The following ANAPC2 variants were observed in gnomAD, a reference collection of about 807,000 sequenced individuals.
ANAPC2 encodes anaphase-promoting complex subunit 2.
In ANAPC2, 29 loss-of-function variants were observed where a neutral mutation model predicts 84.3. The ratio of observed to expected loss-of-function variants is 0.34; its 90% CI spans 0.26 to 0.47. The LOEUF (loss-of-function observed/expected upper bound fraction) is 0.47. ANAPC2 is among the 20% of genes least tolerant of loss of function. The probability of loss-of-function intolerance (pLI) is 1.00; values close to 1 mark genes in which losing one functional copy is unlikely to be tolerated. For missense variants in ANAPC2, 857 were observed against 1,131.7 expected (o/e 0.76, Z 3.48); for synonymous variants, 571 against 479.4 (o/e 1.19, Z -2.50).
chr9:137,182,692 T>C (rs890008891), intron 6 of ANAPC2, among the ~76,000 whole-genome samples: 1 of 152,034 alleles, frequency 6.6e-6, no homozygotes, highest in Admixed American at 6.6e-5. Context: ...CAGGCAGCCA[T>C]GTCAAGGTCC....
At chr9:137,180,029 C>T in intron 10 of ANAPC2, 152 bp downstream of exon 10, 2 of 815,492 alleles carry the variant, frequency 2.5e-6, no homozygotes, top group Non-Finnish European at 3.8e-6. Context: ...GGGCCAGGCC[C>T]ACTCCCTCTC....
Position 137,188,084 on chromosome 9 carries a change from C to T in ANAPC2, c.137G>A (p.Gly46Asp), listed in dbSNP as rs1383684928. 1 of 1,612,136 alleles carries T rather than the reference C, an allele frequency of 6.2e-7. No individual in the cohort carries two copies. The highest frequency in any genetic ancestry group is 1.3e-5 in the African/African-American group (1 of 74,900). Residue 46 changes from glycine (G) to aspartate (D), a missense_variant, in exon 2 of 13, where the codon GGT becomes GAT. Around this residue, in one of 3 missense-constraint regions of ANAPC2, gnomAD observed 428 missense variants for 513.8 expected, o/e 0.83. Coordinates refer to ENST00000323927, the MANE Select transcript of ANAPC2 (RefSeq NM_013366.4). ...ALGLVSSRTS[G>D]AVPPKEEELR... ...CTCCTCTTCCTTTGGCGGGACTGCACCGCTGGTCCGGGAAGACACCTGGGG... is the reference window on the plus strand; with the variant it reads ...CTCCTCTTCCTTTGGCGGGACTGCATCGCTGGTCCGGGAAGACACCTGGGG...
chr9:137,177,412 C>T (rs1394172583), intron 10 of ANAPC2, among the ~76,000 whole-genome samples: 6 of 152,168 alleles, frequency 3.9e-5, no homozygotes, highest in African/African-American at 1.2e-4. Context: ...GATTTCACGG[C>T]GTCCCAGCTG....
chr9:137,186,649 T>G, intron 2 of ANAPC2: 1 of 448,360 alleles, frequency 2.2e-6, no homozygotes, highest in Non-Finnish European at 4.0e-6. Flanking sequence ...CAGGTGTGGC[T>G]GTCGGGGGCC....
rs761102143 is a variant in ANAPC2, at chr9:137,180,929, C to G, written c.1469G>C (p.Gly490Ala). 1 of 1,613,008 alleles carries G rather than the reference C, an allele frequency of 6.2e-7. No homozygotes were observed. The highest frequency in any genetic ancestry group is 1.7e-5 in the Admixed American group (1 of 60,008). ...TGAACGCCGCTTGGAGCTCGACTTC[C>G]CTGGCATGGTGGGGGCAGGGGTGTC... ...WVPDPVDADP[G>A]KSSSKRRSSD... The change falls in exon 8 of 13, where the codon GGG (glycine) becomes GCG (alanine). Residue 490 changes from glycine (G) to alanine (A), a missense_variant and splice_region_variant. Transcript: ENST00000323927.
chr9:137,175,829 C>G lies in ANAPC2; in HGVS notation c.1899G>C (p.Arg633=), dbSNP rs780003382. ...CCAGGGTGTGCTTCCAACTGAGGGT[C>G]CGCATGGCCTAAGGAGGGCCAGGGT... ...CKKYEQLKAM[R]TLSWKHTLGL... The change falls in exon 11 of 13, where the codon CGG becomes CGC. Residue 633 remains arginine (R), a synonymous_variant. Transcript: ENST00000323927. 3.7e-6 allele frequency: 6 copies of G among 1,605,966 alleles called. No homozygotes were observed. Among genetic ancestry groups the G allele is most frequent in the Non-Finnish European group, 5.1e-6 (6 of 1,176,630 alleles).
chr9:137,183,934 T>TC (rs1292201799), intron 4 of ANAPC2, 143 bp from the exon 5 acceptor site: 2 of 1,115,864 alleles, frequency 1.8e-6, no homozygotes, highest in South Asian at 1.5e-5. Flanking sequence ...GCACCAGACA[T>TC]CCCCCCGACA....
chr9:137,178,608 G>A (rs1834273234), intron 10 of ANAPC2, among the ~76,000 whole-genome samples: 1 of 152,192 alleles, frequency 6.6e-6, no homozygotes. Context: ...AACACAGCGG[G>A]GCACGGTGCC....
Position 137,187,809 on chromosome 9 carries a change from G to T in ANAPC2, c.412C>A (p.Leu138Met), listed in dbSNP as rs756372433. The change falls in exon 2 of 13, where the codon CTG (leucine) becomes ATG (methionine). Residue 138 changes from leucine (L) to methionine (M), a missense_variant. Around this residue, in one of 3 missense-constraint regions of ANAPC2, gnomAD observed 428 missense variants for 513.8 expected, o/e 0.83. Transcript: ENST00000323927. ...GCACCAGTGCCCATCAGCAAGCCCA[G>T]GCGAGTCCATTTCTCCAGCAGCTCT... ...SLELLEKWTRLGLLMGTGAQG... is the reference protein window; with the variant it reads ...SLELLEKWTRMGLLMGTGAQG... 10 of 1,613,640 alleles carry T rather than the reference G, an allele frequency of 6.2e-6. No individual in the cohort carries two copies. Among genetic ancestry groups the T allele is most frequent in the African/African-American group, 1.3e-5 (1 of 75,076 alleles).
intron 10 of ANAPC2, among the ~76,000 whole-genome samples, chr9:137,178,795 C>T (rs1020263750): frequency 9.9e-5 from 15 of 152,146 alleles, no homozygotes; most frequent in Non-Finnish European, 1.5e-4. Flanking sequence ...AGCAGGCATT[C>T]GCCACCATGG....
Position 137,184,873 on chromosome 9 carries a change from C to A in ANAPC2, c.1048+40G>T, listed in dbSNP as rs760210531. ...ACGGGGAAGGCCCTGGGAAGACTCC[C>A]CAGACGGGAGAGCGGACCCCAGGGC... On this transcript the variant is annotated intron_variant, in intron 4 of 12. Coordinates refer to ENST00000323927, the MANE Select transcript of ANAPC2 (RefSeq NM_013366.4). 4 of 1,603,136 alleles carry A rather than the reference C, an allele frequency of 2.5e-6. No individual in the cohort carries two copies. The Admixed American group carries it at 7.0e-5, about 28-fold the overall frequency.
At chr9:137,179,059 T>C (rs187938643) in intron 10 of ANAPC2, among the ~76,000 whole-genome samples, 6 of 152,266 alleles carry the variant, frequency 3.9e-5, no homozygotes, top group East Asian at 1.9e-4. Flanking sequence ...GGACCCTCCC[T>C]TGAACTCAGC....
chr9:137,187,444 A>T, intron 2 of ANAPC2, 37 bp downstream of exon 2: 1 of 1,569,798 alleles, frequency 6.4e-7, no homozygotes. Flanking sequence ...GGGAACCAGA[A>T]GGAGCAAGGG....
chr9:137,186,255 T>C lies in ANAPC2; in HGVS notation c.842A>G (p.Tyr281Cys), dbSNP rs1328811672. 1 of 1,612,634 alleles carries C rather than the reference T, an allele frequency of 6.2e-7. No individual in the cohort carries two copies. The highest frequency in any genetic ancestry group is 2.2e-5 in the East Asian group (1 of 44,880). ...GAACTCACGCAGGAAGGAGCGCTCGTACTCGCCCCGGCAACGGTCCTCCAT... is the reference window on the plus strand; with the variant it reads ...GAACTCACGCAGGAAGGAGCGCTCGCACTCGCCCCGGCAACGGTCCTCCAT... ...ERMEDRCRGE[Y>C]ERSFLREFHK... Residue 281 changes from tyrosine to cysteine, a missense_variant, in exon 3 of 13, where the codon TAC becomes TGC. Tyr to Cys is a radical substitution (Grantham distance 194, BLOSUM62 -2). Transcript: ENST00000323927.
chr9:137,180,651 G>T (rs1834324010), intron 8 of ANAPC2, 124 bp from the exon 9 acceptor site: 2 of 1,564,722 alleles, frequency 1.3e-6, no homozygotes, highest in African/African-American at 1.4e-5. Context: ...CCAATGGCTA[G>T]CACACCCCCA....
At chr9:137,176,209 AG>A (rs369968503) in intron 10 of ANAPC2, 1,783 of 167,152 alleles carry the variant, frequency 0.011, 34 homozygotes, top group African/African-American at 0.059. Context: ...GCAGGCGGGG[AG>A]GGGGCCACAC....
In ANAPC2 at chr9:137,180,828, C is replaced by G; in HGVS notation, c.1570G>C (p.Ala524Pro). The change falls in exon 8 of 13, where the codon GCC (alanine) becomes CCC (proline). Residue 524 changes from alanine to proline, a missense_variant. By Grantham distance (27) the Ala-to-Pro change is conservative. Coordinates refer to ENST00000323927, the MANE Select transcript of ANAPC2 (RefSeq NM_013366.4). ...CTGAACTGGTGCAGCAGGCGGTCGG[C>G]CAGCAGCGAGCGGTACTCATTGATG... is the stretch of plus-strand genomic sequence containing the variant. The part of the protein sequence containing the change: ...LFINEYRSLL[A>P]DRLLHQFSFS... The G allele has an allele frequency of 6.2e-7, 1 of 1,612,716 alleles. No individual in the cohort carries two copies.
At chr9:137,185,167 G>T (rs535833337) in intron 3 of ANAPC2, 80 bp from the exon 4 acceptor site, 2 of 1,382,040 alleles carry the variant, frequency 1.4e-6, no homozygotes, top group African/African-American at 3.0e-5. Flanking sequence ...GGAGCCTCAC[G>T]GCCACCCACC....
Position 137,175,285 on chromosome 9 carries a change from G to A in ANAPC2, c.2208C>T (p.Ser736=), listed in dbSNP as rs761815181. 5.4e-5 allele frequency: 87 copies of A among 1,612,500 alleles called. 1 individual carries two copies. The highest frequency in any genetic ancestry group is 3.4e-4 in the South Asian group (31 of 91,076). Residue 736 remains serine (S), a synonymous_variant, in exon 12 of 13, where the codon AGC becomes AGT. Transcript: ENST00000323927. ...CGGCCTGGGAGGCCATGCCGGAGTC[G>A]CTCTCGTCGTCACTGTCAATGAGCA... ...NMVLIDSDDE[S]DSGMASQADQ...
Sources: allele counts gnomAD v4.1 joint callset (sites outside exome capture counted in the v4.1 genomes callset), GRCh38; gene constraint gnomAD v4.1.1; regional missense constraint gnomAD v4.1.1; transcripts MANE v1.5; gene names NCBI Gene and HGNC (gene_info 2026-07-23, HGNC 2026-07-21).